CLVS1: variants seen among roughly 807,000 people sequenced by gnomAD.
CLVS1 encodes the protein clavesin-1.
A neutral mutation model predicts 33.1 loss-of-function variants in CLVS1; 10 were observed. The ratio of observed to expected loss-of-function variants is 0.30; its 90% CI spans 0.19 to 0.51. The LOEUF (loss-of-function observed/expected upper bound fraction) is 0.51. CLVS1 is among the 20% of genes least tolerant of loss of function. The pLI is 0.97. For synonymous variants in CLVS1, 163 were observed against 166.1 expected, an observed-to-expected ratio of 0.98 and a Z score of 0.14; for missense variants, 343 against 433.4, an observed-to-expected ratio of 0.79 and a Z score of 1.85.
intron 1 of CLVS1, among the ~76,000 whole-genome samples, chr8:61,093,598 C>T (rs577158937): frequency 6.6e-6 from 1 of 152,310 alleles, no homozygotes; most frequent in East Asian, 1.9e-4. Flanking sequence ...TAGACAGTCC[C>T]TTTAGTGCTG....
At chr8:61,421,047 A>T (rs1042896960) in intron 3 of CLVS1, among the ~76,000 whole-genome samples, 1 of 152,230 alleles carries the variant, frequency 6.6e-6, no homozygotes, top group Non-Finnish European at 1.5e-5. Context: ...TGAGAGAAAT[A>T]GAAATTTAAA....
chr8:61,115,823 C>T (rs1247022600), intron 1 of CLVS1, among the ~76,000 whole-genome samples: 5 of 146,448 alleles, frequency 3.4e-5, no homozygotes, highest in East Asian at 2.0e-4. Context: ...TGAATAATGC[C>T]GCAATAAACA....
the CLVS1 span, among the ~76,000 whole-genome samples, chr8:60,988,349 T>C: frequency 6.6e-6 from 1 of 152,138 alleles, no homozygotes; most frequent in African/African-American, 2.4e-5. Context: ...TCTTCCCACC[T>C]GCCAGATACT....
chr8:61,094,475 C>T (rs1400817306), intron 1 of CLVS1, among the ~76,000 whole-genome samples: 1 of 152,204 alleles, frequency 6.6e-6, no homozygotes, highest in African/African-American at 2.4e-5. Context: ...ATATTATCTT[C>T]TCCTTTTTAT....
the CLVS1 span, among the ~76,000 whole-genome samples, chr8:60,994,153 C>T: frequency 6.6e-6 from 1 of 152,164 alleles, no homozygotes; most frequent in Non-Finnish European, 1.5e-5. Context: ...GGCCTCTCTC[C>T]TTGGCTTGCA....
rs572292553 is a variant in CLVS1 at position 61,133,905 on chromosome 8, A to G, written c.-152+2045A>G. ...AGCTCCAAATTGGGTGACAGAGTGAATTGTGGTGCTAACAACCAGGGTAAG... is the reference window on the plus strand; with the variant it reads ...AGCTCCAAATTGGGTGACAGAGTGAGTTGTGGTGCTAACAACCAGGGTAAG... On this transcript the variant is annotated intron_variant, in intron 2 of 2. Coordinates refer to the CLVS1 transcript ENST00000522621. 7.4e-4 allele frequency among the ~76,000 whole-genome samples: 112 copies of G among 152,256 alleles called. 1 individual carries two copies. Among genetic ancestry groups the G allele is most frequent in the African/African-American group, 2.7e-3 (111 of 41,542 alleles).
At chr8:61,286,916 G>A (rs1809794098), upstream of CLVS1, among the ~76,000 whole-genome samples, 1 of 151,968 alleles carries the variant, frequency 6.6e-6, no homozygotes, top group African/African-American at 2.4e-5. Context: ...TTTCTTTTTT[G>A]GCCTTAAACA....
At chr8:61,093,426 G>A (rs1805289598) in intron 1 of CLVS1, among the ~76,000 whole-genome samples, 2 of 152,152 alleles carry the variant, frequency 1.3e-5, no homozygotes, top group Admixed American at 1.3e-4. Flanking sequence ...TCCAAAAACT[G>A]TGTGGGTCAT....
rs1814834803 is a variant in CLVS1, at chr8:61,403,135, G to A, written c.630+26356G>A. Among the ~76,000 whole-genome samples, 3 of 152,290 alleles carry A rather than the reference G, an allele frequency of 2.0e-5. No individual in the cohort carries two copies. The South Asian group carries it at 6.2e-4, about 32-fold the overall frequency. On this transcript the variant is annotated intron_variant, in intron 3 of 5. Coordinates refer to ENST00000325897, the MANE Select transcript of CLVS1 (RefSeq NM_173519.3). The stretch of plus-strand genomic sequence containing the variant: ...AGACTTGGAAGAAGAAAGGTTGTTG[G>A]CCACACAGCTATTGAGGGAAAAATG...
chr8:61,476,471 A>C (rs149547283), intron 5 of CLVS1, among the ~76,000 whole-genome samples: 13,208 of 151,988 alleles, frequency 0.087, 667 homozygotes, highest in Non-Finnish European at 0.12. Context: ...CTTTTATTTC[A>C]TTGAGCAGTG....
At chr8:61,192,182 T>A (rs1280528302) in intron 2 of CLVS1, among the ~76,000 whole-genome samples, 1 of 152,130 alleles carries the variant, frequency 6.6e-6, no homozygotes, top group African/African-American at 2.4e-5. Flanking sequence ...AATAGAGATA[T>A]AGACCAATGG....
intron 2 of CLVS1, among the ~76,000 whole-genome samples, chr8:61,206,982 C>T (rs929346347): frequency 1.3e-5 from 2 of 152,148 alleles, no homozygotes; most frequent in Non-Finnish European, 2.9e-5. Flanking sequence ...TCACATCTTT[C>T]TCTGGTTCTA....
chr8:61,008,353 A>G, the CLVS1 span, among the ~76,000 whole-genome samples: 1 of 152,188 alleles, frequency 6.6e-6, no homozygotes, highest in Non-Finnish European at 1.5e-5. Context: ...CACAGGCAAA[A>G]TAACCCCACT....
At chr8:61,004,271 G>A in the CLVS1 span, among the ~76,000 whole-genome samples, 1 of 152,230 alleles carries the variant, frequency 6.6e-6, no homozygotes. Flanking sequence ...TAGACTGGGA[G>A]CTCATTCTGT....
chr8:61,472,052 T>C (rs1275948303), intron 5 of CLVS1, among the ~76,000 whole-genome samples: 2 of 152,160 alleles, frequency 1.3e-5, no homozygotes, highest in Non-Finnish European at 2.9e-5. Context: ...TCAAGTCAGC[T>C]CCTCATTCAT....
rs556827218 is a variant in CLVS1 at position 61,095,423 on chromosome 8, C to A, written c.-242-36347C>A. Among the ~76,000 whole-genome samples the A allele has an allele frequency of 2.2e-3, 338 of 152,212 alleles. 2 individuals carry two copies. Among genetic ancestry groups the A allele is most frequent in the Middle Eastern group, 0.014 (4 of 294 alleles). On this transcript the variant is annotated intron_variant, in intron 1 of 2. Transcript: ENST00000522621. ...TTCTTATTTTTCCAAACGTTGAGAC[C>A]ATGGGTGAGAGGTGAGGGACTGGGG...
At chr8:61,069,742 C>T (rs1483693140) in intron 1 of CLVS1, among the ~76,000 whole-genome samples, 2 of 152,176 alleles carry the variant, frequency 1.3e-5, no homozygotes, top group Non-Finnish European at 2.9e-5. Context: ...CCTCTGACTT[C>T]CCCACCACAT....
At chr8:61,456,194 C>T (rs961389110) in intron 4 of CLVS1, among the ~76,000 whole-genome samples, 2 of 152,150 alleles carry the variant, frequency 1.3e-5, no homozygotes, top group Non-Finnish European at 2.9e-5. Context: ...AGGGTCCAGC[C>T]TCCTCCTTCT....
the CLVS1 span, among the ~76,000 whole-genome samples, chr8:61,034,584 T>C: frequency 2.0e-4 from 30 of 152,102 alleles, no homozygotes; most frequent in South Asian, 1.0e-3. Flanking sequence ...ATGCATTCGA[T>C]TGCTTTACAT....
Sources: gnomAD v4.1 joint callset for allele counts (sites outside exome capture counted in the v4.1 genomes callset) on GRCh38, gnomAD v4.1.1 for gene constraint, MANE v1.5 for transcripts, NCBI Gene and HGNC (gene_info 2026-07-23, HGNC 2026-07-21) for gene names.